Variants in SEMA3D observed in about 807,000 individuals in gnomAD.
SEMA3D encodes the protein semaphorin 3D.
Under a neutral mutation model 100.1 loss-of-function variants are expected in SEMA3D, and 84 were observed. The ratio of observed to expected loss-of-function variants is 0.84; its 90% CI spans 0.70 to 1.01. The LOEUF (loss-of-function observed/expected upper bound fraction) is 1.01. SEMA3D is among the 50% of genes least tolerant of loss of function. SEMA3D has a pLI of 0.00. For synonymous variants in SEMA3D, 312 were observed against 320.7 expected (o/e 0.97, Z 0.29); for missense variants, 875 against 934.1 (o/e 0.94, Z 0.82).
intron 12 of SEMA3D, among the ~76,000 whole-genome samples, chr7:85,032,470 A>G (rs1790574730): frequency 6.6e-6 from 1 of 152,048 alleles, no homozygotes; most frequent in African/African-American, 2.4e-5. Context: ...AAATTTGGTC[A>G]CAGTGATTTC....
chr7:85,021,251 T>G (rs1438416286), intron 13 of SEMA3D, among the ~76,000 whole-genome samples: 1 of 151,798 alleles, frequency 6.6e-6, no homozygotes, highest in African/African-American at 2.4e-5. Context: ...ATCTTAGCAG[T>G]CTATAATTTT....
At chr7:85,138,276 C>A (rs1789920758) in intron 2 of SEMA3D, among the ~76,000 whole-genome samples, 1 of 151,722 alleles carries the variant, frequency 6.6e-6, no homozygotes, top group Non-Finnish European at 1.5e-5. Flanking sequence ...AACTGATATT[C>A]TTTTTTAATT....
intron 18 of SEMA3D, among the ~76,000 whole-genome samples, chr7:85,003,612 T>G (rs1335463719): frequency 6.6e-6 from 1 of 151,734 alleles, no homozygotes; most frequent in Non-Finnish European, 1.5e-5. Context: ...AATAAATGTA[T>G]ATGTATAACA....
chr7:85,127,050 T>G (rs893270674), intron 2 of SEMA3D, among the ~76,000 whole-genome samples: 2 of 152,156 alleles, frequency 1.3e-5, no homozygotes, highest in Admixed American at 1.3e-4. Context: ...ATGCCATGAA[T>G]TCTCCATCAA....
At chr7:85,137,113 A>G (rs1789889911) in intron 2 of SEMA3D, among the ~76,000 whole-genome samples, 1 of 151,978 alleles carries the variant, frequency 6.6e-6, no homozygotes, top group Non-Finnish European at 1.5e-5. Context: ...ATTCAGTTTT[A>G]CTTTTTCAGG....
chr7:85,069,813 T>C (rs1791723338), intron 6 of SEMA3D, among the ~76,000 whole-genome samples: 2 of 152,160 alleles, frequency 1.3e-5, no homozygotes, highest in Non-Finnish European at 2.9e-5. Context: ...CCAGAGGAAA[T>C]GATACCAAGC....
At chr7:85,103,501 G>C (rs1384477756) in intron 3 of SEMA3D, among the ~76,000 whole-genome samples, 1 of 151,908 alleles carries the variant, frequency 6.6e-6, no homozygotes, top group Non-Finnish European at 1.5e-5. Context: ...GTGCCATTGA[G>C]AGGAGGCCAG....
intron 9 of SEMA3D, chr7:85,050,678 T>C (rs1244126908): frequency 1.1e-5 from 5 of 455,588 alleles, no homozygotes; most frequent in Non-Finnish European, 7.8e-6. Context: ...TTTATGCAAC[T>C]TTCTCCAAAT....
the SEMA3D span, among the ~76,000 whole-genome samples, chr7:85,196,093 T>G: frequency 6.6e-6 from 1 of 152,144 alleles, no homozygotes; most frequent in Non-Finnish European, 1.5e-5. Flanking sequence ...ACATAATCAA[T>G]AGTTTTAGAA....
the SEMA3D span, among the ~76,000 whole-genome samples, chr7:85,212,996 A>C: frequency 3.2e-4 from 49 of 152,140 alleles, no homozygotes; most frequent in South Asian, 3.5e-3. Context: ...CTATTCATTC[A>C]GGTTTATTCT....
chr7:85,224,293 A>G, the SEMA3D span, among the ~76,000 whole-genome samples: 1 of 152,190 alleles, frequency 6.6e-6, no homozygotes, highest in Admixed American at 6.6e-5. Context: ...GAGAATTTAA[A>G]TAACTCTTCT....
chr7:85,029,079 T>C (rs1460131711), intron 12 of SEMA3D: 1 of 549,188 alleles, frequency 1.8e-6, no homozygotes, highest in Non-Finnish European at 3.5e-6. Flanking sequence ...AGTGTGATGC[T>C]ACCATTCCTA....
Position 85,055,820 on chromosome 7 carries a change from T to A in SEMA3D, c.758A>T (p.Tyr253Phe). 6.3e-7 allele frequency: 1 copy of A among 1,579,242 alleles called. No individual in the cohort carries two copies. The highest frequency in any genetic ancestry group is 1.1e-5 in the South Asian group (1 of 88,466). ...ATATATTTTATCATCATCTGGATTG[T>A]AGGTGTCTGGTATGAAGAAAGTTCC... is the stretch of plus-strand genomic sequence containing the variant. The part of the protein sequence containing the change: ...FIGTFFIPDT[Y>F]NPDDDKIYFF... The change falls in exon 9 of 19, where the codon TAC becomes TTC. Residue 253 changes from tyrosine to phenylalanine, a missense_variant. Tyr to Phe is a conservative substitution (Grantham distance 22). Transcript: ENST00000284136.
rs144036349 is a variant in SEMA3D, at chr7:85,105,925, A to G, written c.152-7960T>C. Among the ~76,000 whole-genome samples, 31 of 152,178 alleles carry G rather than the reference A, an allele frequency of 2.0e-4. No individual in the cohort carries two copies. In the East Asian group the frequency reaches 5.8e-3, roughly 29 times the overall value. ...TCATGGTCACATTTCTATCACATCCATACTTTTAAATTACATTTTGTTCTT... is the reference window on the plus strand; with the variant it reads ...TCATGGTCACATTTCTATCACATCCGTACTTTTAAATTACATTTTGTTCTT... On this transcript the variant is annotated intron_variant, in intron 3 of 18. Transcript: ENST00000284136.
At chr7:85,061,148 A>C (rs536542728) in intron 8 of SEMA3D, among the ~76,000 whole-genome samples, 4 of 152,284 alleles carry the variant, frequency 2.6e-5, no homozygotes, top group Admixed American at 2.0e-4. Flanking sequence ...TGTAAAAAAA[A>C]CACTTTTTAC....
At chr7:85,072,824 G>T in intron 6 of SEMA3D, 138 bp downstream of exon 6, 1 of 645,002 alleles carries the variant, frequency 1.6e-6, no homozygotes, top group Non-Finnish European at 2.6e-6. Flanking sequence ...CTGAGTATTG[G>T]CATTACAGGC....
intron 17 of SEMA3D, among the ~76,000 whole-genome samples, chr7:85,008,197 G>T (rs1459033645): frequency 1.3e-5 from 2 of 151,750 alleles, no homozygotes; most frequent in Non-Finnish European, 2.9e-5. Context: ...AAGGGATTTT[G>T]TCAACAAAGT....
chr7:85,096,696 G>A (rs1229902503), intron 4 of SEMA3D, among the ~76,000 whole-genome samples: 1 of 151,834 alleles, frequency 6.6e-6, no homozygotes, highest in African/African-American at 2.4e-5. Context: ...TTTCAGAAGT[G>A]AAGTAATATT....
chr7:85,124,476 A>G (rs1789512030), intron 2 of SEMA3D, among the ~76,000 whole-genome samples: 1 of 151,924 alleles, frequency 6.6e-6, no homozygotes, highest in Non-Finnish European at 1.5e-5. Context: ...AGGTGAGGAA[A>G]TGAATAAGAT....
Sources: gnomAD v4.1 joint callset for allele counts (sites outside exome capture counted in the v4.1 genomes callset) on GRCh38, gnomAD v4.1.1 for gene constraint, MANE v1.5 for transcripts, NCBI Gene and HGNC (gene_info 2026-07-23, HGNC 2026-07-21) for gene names.